Variants in ACCSL observed in about 807,000 individuals in gnomAD.
ACCSL encodes the protein 1-aminocyclopropane-1-carboxylate synthase homolog (inactive) like.
Under a neutral mutation model 61.7 loss-of-function variants are expected in ACCSL, and 55 were observed. The observed-to-expected ratio is 0.89, with a 90% CI of 0.72 to 1.12. The LOEUF (loss-of-function observed/expected upper bound fraction) is 1.12. Among genes scored for constraint, ACCSL ranks in the 50% most tolerant of loss-of-function variants. The probability of loss-of-function intolerance (pLI) is 0.00; values close to 1 mark genes in which losing one functional copy is unlikely to be tolerated. For synonymous variants in ACCSL, 258 were observed against 264.3 expected, an observed-to-expected ratio of 0.98 and a Z score of 0.23; for missense variants, 632 against 698.0, an observed-to-expected ratio of 0.91 and a Z score of 1.07.
chr11:43,930,356 T>TC, the ACCSL span, among the ~76,000 whole-genome samples: 1 of 152,106 alleles, frequency 6.6e-6, no homozygotes. Context: ...TGAATATTTG[T>TC]CCCCTCCAGA....
At chr11:43,981,534 C>T in the ACCSL span, among the ~76,000 whole-genome samples, 1 of 152,312 alleles carries the variant, frequency 6.6e-6, no homozygotes, top group East Asian at 1.9e-4. Context: ...TAAAGAAAAA[C>T]ACTTTTCTCC....
the ACCSL span, among the ~76,000 whole-genome samples, chr11:44,018,138 G>A: frequency 6.6e-6 from 1 of 152,166 alleles, no homozygotes. Context: ...CTGTCCCCCA[G>A]CCCCAGTGGG....
chr11:43,946,579 C>T, the ACCSL span, among the ~76,000 whole-genome samples: 5 of 152,106 alleles, frequency 3.3e-5, no homozygotes, highest in Non-Finnish European at 5.9e-5. Context: ...ATTCTACATG[C>T]TATTTTTCAA....
At chr11:43,945,184 A>G in the ACCSL span, 4 of 152,242 alleles carry the variant, frequency 2.6e-5, no homozygotes, top group Admixed American at 1.3e-4. Flanking sequence ...AACGGGTTCC[A>G]CTGTGGTGGG....
the ACCSL span, among the ~76,000 whole-genome samples, chr11:44,030,057 A>ATTTTT: frequency 9.0e-4 from 4 of 4,454 alleles, 1 homozygote; most frequent in African/African-American, 1.9e-3. Context: ...TCTTTGGTTG[A>ATTTTT]TTTTTTTTTT....
the ACCSL span, among the ~76,000 whole-genome samples, chr11:43,979,805 C>A: frequency 7.2e-6 from 1 of 139,720 alleles, no homozygotes; most frequent in Admixed American, 7.7e-5. Context: ...TGAGATTGCG[C>A]GACTGTGCTC....
Position 44,058,353 on chromosome 11 carries a change from A to G in ACCSL, c.1364A>G (p.Tyr455Cys), listed in dbSNP as rs770919009. ...IDKVYLPTNC[Y>C]RLREAHKYIT... is the part of the protein sequence containing the mutation. ...AAAGTATACCTACCCACCAATTGCTACCGGCTCCGGGAAGCTCACAAGTAC... is the reference window on the plus strand; with the variant it reads ...AAAGTATACCTACCCACCAATTGCTGCCGGCTCCGGGAAGCTCACAAGTAC... The change falls in exon 12 of 14, where the codon TAC becomes TGC. Residue 455 changes from tyrosine (Y) to cysteine (C), a missense_variant. By Grantham distance (194) the Tyr-to-Cys change is radical. Transcript: ENST00000378832. The G allele has an allele frequency of 1.7e-5, 27 of 1,614,188 alleles. No individual in the cohort carries two copies. The highest frequency in any genetic ancestry group is 2.3e-5 in the Non-Finnish European group (27 of 1,180,042).
In ACCSL at chr11:44,059,097, C is replaced by T. The variant is rs547963975; in HGVS notation, c.1624+398C>T. Among the ~76,000 whole-genome samples the T allele has an allele frequency of 2.0e-4, 31 of 152,288 alleles. No individual in the cohort carries two copies. In the East Asian group the frequency reaches 5.6e-3, roughly 28 times the overall value. On this transcript the variant is annotated intron_variant, in intron 13 of 13. Coordinates refer to ENST00000378832, the MANE Select transcript of ACCSL (RefSeq NM_001031854.2). ...CTCTACTAAAAATACAAAAAATTAGCCACGCATGGTGGCGCACGCCTGTAA... is the reference window on the plus strand; with the variant it reads ...CTCTACTAAAAATACAAAAAATTAGTCACGCATGGTGGCGCACGCCTGTAA...
At chr11:43,988,613 A>G in the ACCSL span, among the ~76,000 whole-genome samples, 2 of 151,704 alleles carry the variant, frequency 1.3e-5, no homozygotes, top group African/African-American at 4.8e-5. Context: ...GGTAATAAGG[A>G]AAGTTCACTC....
chr11:44,050,516 C>T (rs1156740349), intron 2 of ACCSL, 36 bp from the exon 3 acceptor site: 2 of 1,604,060 alleles, frequency 1.2e-6, no homozygotes, highest in South Asian at 2.2e-5. Context: ...TTGAACTTCC[C>T]TGGCCTACCT....
intron 3 of ACCSL, 111 bp downstream of exon 3, chr11:44,050,733 G>A: frequency 2.1e-6 from 2 of 948,500 alleles, no homozygotes; most frequent in South Asian, 3.1e-5. Flanking sequence ...ATCTCTTTGG[G>A]TAATAACTTC....
the ACCSL span, among the ~76,000 whole-genome samples, chr11:43,986,351 A>C: frequency 7.7e-6 from 1 of 129,816 alleles, no homozygotes; most frequent in South Asian, 2.5e-4. Flanking sequence ...ATCTTCAAAC[A>C]TAAAACTGGA....
At chr11:43,997,104 G>A in the ACCSL span, among the ~76,000 whole-genome samples, 1 of 151,862 alleles carries the variant, frequency 6.6e-6, no homozygotes, top group South Asian at 2.1e-4. Flanking sequence ...AGCCACTCCT[G>A]GCCAGGTTCT....
the ACCSL span, among the ~76,000 whole-genome samples, chr11:44,029,678 G>A: frequency 1.3e-5 from 2 of 152,230 alleles, no homozygotes; most frequent in Middle Eastern, 3.4e-3. Flanking sequence ...TGAATAATCT[G>A]GAAGATACCT....
chr11:43,993,297 C>T, the ACCSL span, among the ~76,000 whole-genome samples: 3 of 152,042 alleles, frequency 2.0e-5, no homozygotes, highest in East Asian at 1.9e-4. Context: ...CCCATGGGGT[C>T]GGGGTGCTAG....
At chr11:43,979,881 T>G in the ACCSL span, among the ~76,000 whole-genome samples, 37,308 of 125,136 alleles carry the variant, frequency 0.3, 5,152 homozygotes, top group Non-Finnish European at 0.37. Flanking sequence ...GAAAAAAAAA[T>G]TGGCAACATT....
At position 44,056,260 on chromosome 11, in the gene ACCSL, T is replaced by C; in HGVS notation, c.1261T>C (p.Phe421Leu). 6.2e-7 allele frequency: 1 copy of C among 1,614,214 alleles called. No individual in the cohort carries two copies. The highest frequency in any genetic ancestry group is 8.5e-7 in the Non-Finnish European group (1 of 1,180,042). The change falls in exon 11 of 14, where the codon TTT becomes CTT. Residue 421 changes from phenylalanine (F) to leucine (L), a missense_variant. Phe to Leu is a conservative substitution (Grantham distance 22). Transcript: ENST00000378832. The part of the protein sequence containing the change: ...NKEVASAVSA[F>L]GYLHSISGIT... ...GGAGGTGGCCTCTGCTGTGAGTGCC[T>C]TTGGCTACCTCCACAGTATTTCTGG... is the stretch of plus-strand genomic sequence containing the variant.
chr11:44,028,248 T>G, the ACCSL span, among the ~76,000 whole-genome samples: 143 of 152,116 alleles, frequency 9.4e-4, no homozygotes, highest in Non-Finnish European at 1.6e-3. Context: ...GGGCAAAAGC[T>G]GAGAGTAGTG....
At chr11:43,965,416 C>A in the ACCSL span, among the ~76,000 whole-genome samples, 6 of 152,084 alleles carry the variant, frequency 3.9e-5, no homozygotes, top group African/African-American at 1.4e-4. Context: ...GACTTGTACA[C>A]CGAAAACTAC....
Sources: allele counts gnomAD v4.1 joint callset (sites outside exome capture counted in the v4.1 genomes callset), GRCh38; gene constraint gnomAD v4.1.1; transcripts MANE v1.5; gene names NCBI Gene and HGNC (gene_info 2026-07-23, HGNC 2026-07-21).